Variants in BAZ2B observed in about 807,000 individuals in gnomAD.
BAZ2B encodes the protein bromodomain adjacent to zinc finger domain protein 2B.
A neutral mutation model predicts 246.0 loss-of-function variants in BAZ2B; 91 were observed. The observed-to-expected ratio is 0.37, with a 90% CI of 0.31 to 0.44. The LOEUF (loss-of-function observed/expected upper bound fraction) is 0.44. BAZ2B is among the 20% of genes least tolerant of loss of function. The probability of loss-of-function intolerance (pLI) is 1.00; values close to 1 mark genes in which losing one functional copy is unlikely to be tolerated. For missense variants in BAZ2B, 2,332 were observed against 2,533.7 expected, an observed-to-expected ratio of 0.92 and a Z score of 1.71; for synonymous variants, 855 against 860.0, an observed-to-expected ratio of 0.99 and a Z score of 0.10.
the BAZ2B span, among the ~76,000 whole-genome samples, chr2:159,630,791 C>T: frequency 6.6e-6 from 1 of 152,188 alleles, no homozygotes; most frequent in Admixed American, 6.5e-5. Context: ...GCCTCGGCCT[C>T]CCAAAGTGCT....
intron 27 of BAZ2B, among the ~76,000 whole-genome samples, chr2:159,355,394 A>C (rs1219831640): frequency 5.3e-5 from 8 of 152,170 alleles, no homozygotes. Context: ...AGACTAAAGG[A>C]AGCAGATTCT....
chr2:159,438,992 C>T lies in BAZ2B; in HGVS notation c.900+17G>A. On this transcript the variant is annotated intron_variant, in intron 7 of 36. Coordinates refer to ENST00000392783, the MANE Select transcript of BAZ2B (RefSeq NM_013450.4). Reference sequence around the variant, plus strand: ...ATATGAATAATGTTTGGATACTGTCCATGAAAAAAATTATACCTGGTTGTT... The same window carrying T: ...ATATGAATAATGTTTGGATACTGTCTATGAAAAAAATTATACCTGGTTGTT... The T allele has an allele frequency of 6.2e-7, 1 of 1,608,750 alleles. No homozygotes were observed. Among genetic ancestry groups the T allele is most frequent in the South Asian group, 1.1e-5 (1 of 90,800 alleles).
chr2:159,612,837 GGCAAAAC>G (rs1445325726), intron 1 of BAZ2B, among the ~76,000 whole-genome samples: 8 of 152,148 alleles, frequency 5.3e-5, no homozygotes, highest in African/African-American at 1.7e-4. Flanking sequence ...CAGGATGTTT[GGCAAAAC>G]ATCTGCTCCT....
intron 1 of BAZ2B, among the ~76,000 whole-genome samples, chr2:159,579,441 C>T (rs1686176242): frequency 6.6e-6 from 1 of 152,112 alleles, no homozygotes; most frequent in Admixed American, 6.5e-5. Flanking sequence ...TAATAGCCTA[C>T]CAACGAAAAC....
chr2:159,408,173 A>G (rs1412816123), intron 14 of BAZ2B, among the ~76,000 whole-genome samples: 3 of 152,204 alleles, frequency 2.0e-5, no homozygotes, highest in Non-Finnish European at 4.4e-5. Context: ...ACACAAGTAC[A>G]CAGTAATTTT....
chr2:159,479,224 C>T (rs2078981280), intron 2 of BAZ2B, among the ~76,000 whole-genome samples: 1 of 152,042 alleles, frequency 6.6e-6, no homozygotes, highest in Admixed American at 6.6e-5. Flanking sequence ...TCAAAACAGG[C>T]AAATACATTT....
chr2:159,641,227 A>G, the BAZ2B span, among the ~76,000 whole-genome samples: 21 of 152,106 alleles, frequency 1.4e-4, no homozygotes, highest in Admixed American at 1.4e-3. Context: ...CCTCACCAGC[A>G]TCTGTTATTT....
Position 159,439,898 on chromosome 2 carries a change from T to C in BAZ2B, c.697-686A>G, listed in dbSNP as rs543507683. ...AGGTAGATAAATATGACGAGAGAGA[T>C]TTATTTTTGGAACATTTAAGACTCT... On this transcript the variant is annotated intron_variant, in intron 6 of 36. Coordinates refer to ENST00000392783, the MANE Select transcript of BAZ2B (RefSeq NM_013450.4). 1.2e-4 allele frequency among the ~76,000 whole-genome samples: 18 copies of C among 152,086 alleles called. No homozygotes were observed. The South Asian group carries it at 3.3e-3, about 28-fold the overall frequency.
chr2:159,325,274 G>A (rs1038809494), intron 35 of BAZ2B, among the ~76,000 whole-genome samples: 45 of 148,548 alleles, frequency 3.0e-4, no homozygotes, highest in African/African-American at 1.0e-3. Flanking sequence ...GGGATTATGG[G>A]TGCACGCCAC....
At chr2:159,436,235 T>A (rs1425239905) in intron 8 of BAZ2B, among the ~76,000 whole-genome samples, 2 of 152,212 alleles carry the variant, frequency 1.3e-5, no homozygotes, top group African/African-American at 4.8e-5. Flanking sequence ...AGTATTGTAT[T>A]TTAATTTTCT....
chr2:159,592,126 C>CA (rs939114521), intron 1 of BAZ2B, among the ~76,000 whole-genome samples: 27 of 144,422 alleles, frequency 1.9e-4, no homozygotes, highest in African/African-American at 6.4e-4. Context: ...CTCAAACAAA[C>CA]AAAAAAACAA....
chr2:159,413,870 CTA>C (rs1207041457), intron 13 of BAZ2B, among the ~76,000 whole-genome samples: 1 of 151,616 alleles, frequency 6.6e-6, no homozygotes, highest in Non-Finnish European at 1.5e-5. Context: ...GCTCAAAAAA[CTA>C]AAAATAGAGC....
chr2:159,579,026 A>G (rs1405155674), intron 1 of BAZ2B, among the ~76,000 whole-genome samples: 1 of 152,216 alleles, frequency 6.6e-6, no homozygotes, highest in African/African-American at 2.4e-5. Flanking sequence ...CATAAGCAAC[A>G]GCAAACAAAT....
chr2:159,474,589 T>C (rs541278557), intron 3 of BAZ2B, among the ~76,000 whole-genome samples: 2 of 152,338 alleles, frequency 1.3e-5, no homozygotes, highest in South Asian at 4.1e-4. Flanking sequence ...GTGAATTTCA[T>C]CCTGTCATTA....
intron 14 of BAZ2B, among the ~76,000 whole-genome samples, chr2:159,411,645 A>G (rs1041127560): frequency 5.9e-5 from 9 of 152,176 alleles, no homozygotes; most frequent in African/African-American, 1.9e-4. Context: ...TAGTGACTCA[A>G]ACTGCAAAGC....
intron 11 of BAZ2B, 121 bp downstream of exon 11, chr2:159,429,078 TA>T: frequency 1.6e-6 from 1 of 607,788 alleles, no homozygotes; most frequent in Non-Finnish European, 2.6e-6. Context: ...TCTTCTGCTC[TA>T]ATAAATACTA....
At chr2:159,503,047 A>C (rs1334927957) in intron 2 of BAZ2B, among the ~76,000 whole-genome samples, 5 of 152,208 alleles carry the variant, frequency 3.3e-5, no homozygotes, top group Non-Finnish European at 7.3e-5. Context: ...GTAGCCTTCC[A>C]AGAGGTCTCT....
chr2:159,633,635 C>T, the BAZ2B span, among the ~76,000 whole-genome samples: 21 of 151,650 alleles, frequency 1.4e-4, no homozygotes, highest in African/African-American at 4.8e-4. Context: ...TATCTCATAT[C>T]TGATTTTAAA....
Position 159,364,874 on chromosome 2 carries a change from G to A in BAZ2B, c.4213+8171C>T, listed in dbSNP as rs1405669861. On this transcript the variant is annotated intron_variant, in intron 27 of 36. Coordinates refer to ENST00000392783, the MANE Select transcript of BAZ2B (RefSeq NM_013450.4). ...TATACAAGAACAGACTCAGGCAGGG[G>A]TACTGCACAACACCATTTCACAATT... is the stretch of plus-strand genomic sequence containing the variant. Among the ~76,000 whole-genome samples the A allele has an allele frequency of 2.6e-5, 4 of 152,150 alleles. 1 individual carries two copies. In the South Asian group the frequency reaches 6.2e-4, roughly 24 times the overall value.
Sources: gnomAD v4.1 joint callset for allele counts (sites outside exome capture counted in the v4.1 genomes callset) on GRCh38, gnomAD v4.1.1 for gene constraint, MANE v1.5 for transcripts, NCBI Gene and HGNC (gene_info 2026-07-23, HGNC 2026-07-21) for gene names.